KCNK3: variants seen among roughly 807,000 people sequenced by gnomAD.
KCNK3 encodes the protein potassium channel subfamily K member 3.
KCNK3 carries 9 observed loss-of-function variants against 27.3 expected under a neutral mutation model. The ratio of observed to expected loss-of-function variants is 0.33; its 90% CI spans 0.20 to 0.57. The LOEUF (loss-of-function observed/expected upper bound fraction) is 0.57. Among genes scored for constraint, KCNK3 ranks in the 20% least tolerant of loss-of-function variants. The pLI, the probability that KCNK3 is intolerant of heterozygous loss-of-function variation, is 0.87. For missense variants in KCNK3, 391 were observed against 577.7 expected, an observed-to-expected ratio of 0.68 and a Z score of 3.31; for synonymous variants, 278 against 273.8, an observed-to-expected ratio of 1.02 and a Z score of -0.15.
chr2:26,727,500 C>T (rs1161576430), intron 1 of KCNK3, among the ~76,000 whole-genome samples, 167 bp from the exon 2 acceptor site: 2 of 152,180 alleles, frequency 1.3e-5, no homozygotes, highest in African/African-American at 4.8e-5. Flanking sequence ...CAATAGAAAG[C>T]ATGAGCCAGG....
At position 26,702,900 on chromosome 2, in the gene KCNK3, G is replaced by C. The variant is rs1670327415; in HGVS notation, c.283+9742G>C. On this transcript the variant is annotated intron_variant, in intron 1 of 1. Transcript: ENST00000302909. ...GGAGTCAAAGGCGGGTGGATCACTT[G>C]AGGTTGGGAGTTCAAGACCAGCCTG... is the stretch of plus-strand genomic sequence containing the variant. Among the ~76,000 whole-genome samples, 3 of 152,270 alleles carry C rather than the reference G, an allele frequency of 2.0e-5. No individual in the cohort carries two copies. In the South Asian group the frequency reaches 6.2e-4, roughly 32 times the overall value.
intron 1 of KCNK3, among the ~76,000 whole-genome samples, chr2:26,700,102 G>A (rs1670288717): frequency 6.6e-6 from 1 of 152,190 alleles, no homozygotes; most frequent in Non-Finnish European, 1.5e-5. Context: ...CCCAAAGAGA[G>A]AACAGAATTT....
chr2:26,702,094 A>T (rs1347627316), intron 1 of KCNK3, among the ~76,000 whole-genome samples: 2 of 152,044 alleles, frequency 1.3e-5, no homozygotes, highest in Non-Finnish European at 2.9e-5. Flanking sequence ...ATTTTTCCTG[A>T]TCCTCTCTCT....
chr2:26,711,372 G>A (rs185721221), intron 1 of KCNK3, among the ~76,000 whole-genome samples: 97 of 152,196 alleles, frequency 6.4e-4, no homozygotes, highest in African/African-American at 2.2e-3. Context: ...ATGCTGCCCC[G>A]CACTCTCCCA....
At chr2:26,714,747 G>A (rs1467672844) in intron 1 of KCNK3, among the ~76,000 whole-genome samples, 3 of 152,128 alleles carry the variant, frequency 2.0e-5, no homozygotes, top group East Asian at 2.0e-4. Context: ...TTAGCCAGGA[G>A]TGGTGGCACA....
chr2:26,715,707 C>T (rs914343358), intron 1 of KCNK3, among the ~76,000 whole-genome samples: 8 of 152,140 alleles, frequency 5.3e-5, no homozygotes, highest in African/African-American at 1.7e-4. Flanking sequence ...GGGGCCGGGT[C>T]GGGGATTTTC....
chr2:26,716,996 T>G (rs1663245596), intron 1 of KCNK3, among the ~76,000 whole-genome samples: 2 of 152,336 alleles, frequency 1.3e-5, no homozygotes, highest in South Asian at 4.1e-4. Flanking sequence ...TCACGTAGTA[T>G]CCATGGCTTC....
intron 1 of KCNK3, among the ~76,000 whole-genome samples, chr2:26,709,842 C>T (rs1003020521): frequency 3.3e-5 from 5 of 152,182 alleles, no homozygotes; most frequent in African/African-American, 1.2e-4. Context: ...AAGCCGAGTC[C>T]GGGCCTGTCT....
intron 1 of KCNK3, chr2:26,724,510 A>T: frequency 1.3e-6 from 1 of 774,518 alleles, no homozygotes; most frequent in South Asian, 5.9e-5. Context: ...TAATCATAAT[A>T]GTGACCTTGT....
At chr2:26,723,869 G>C (rs1166405458) in intron 1 of KCNK3, among the ~76,000 whole-genome samples, 1 of 152,200 alleles carries the variant, frequency 6.6e-6, no homozygotes, top group African/African-American at 2.4e-5. Flanking sequence ...ATCTGCTCTG[G>C]TTGATCAGCC....
intron 1 of KCNK3, among the ~76,000 whole-genome samples, chr2:26,715,068 C>T (rs1286267009): frequency 1.3e-5 from 2 of 152,198 alleles, no homozygotes; most frequent in Non-Finnish European, 2.9e-5. Flanking sequence ...AGCCAGGGCA[C>T]CTGCCTTCTG....
intron 1 of KCNK3, among the ~76,000 whole-genome samples, chr2:26,711,483 C>T (rs10207894): frequency 0.065 from 9,918 of 152,196 alleles, 1,080 homozygotes; most frequent in African/African-American, 0.23. Context: ...CTGAGACCTG[C>T]CCTCCACGTT....
At chr2:26,698,374 C>T (rs1670261149) in intron 1 of KCNK3, among the ~76,000 whole-genome samples, 2 of 152,182 alleles carry the variant, frequency 1.3e-5, no homozygotes, top group African/African-American at 4.8e-5. Context: ...TCCACCCTAT[C>T]CCCATTCCCC....
At chr2:26,717,935 G>A (rs1662989) in intron 1 of KCNK3, among the ~76,000 whole-genome samples, 52,810 of 152,060 alleles carry the variant, frequency 0.35, 10,439 homozygotes, top group African/African-American at 0.54. Context: ...CCAGGTGTGA[G>A]GGATCCAGTA....
Position 26,693,111 on chromosome 2 carries a change from G to T in KCNK3, c.236G>T (p.Arg79Leu). Residue 79 changes from arginine (R) to leucine (L), a missense_variant, in exon 1 of 2, where the codon CGC becomes CTC. Physicochemically the swap from Arg to Leu is moderately radical, Grantham distance 102. Coordinates refer to ENST00000302909, the MANE Select transcript of KCNK3 (RefSeq NM_002246.3). The surrounding 1 kb of genome is among the most constrained non-coding windows in gnomAD (Gnocchi z 5.5). ...LKPHKAGVQW[R>L]FAGSFYFAIT... is the part of the protein sequence containing the mutation. Reference sequence around the variant, plus strand: ...CCGCACAAGGCCGGCGTGCAGTGGCGCTTCGCCGGCTCCTTCTACTTCGCC... The same window carrying T: ...CCGCACAAGGCCGGCGTGCAGTGGCTCTTCGCCGGCTCCTTCTACTTCGCC... 1 of 1,587,630 alleles carries T rather than the reference G, an allele frequency of 6.3e-7. No homozygotes were observed.
intron 1 of KCNK3, among the ~76,000 whole-genome samples, chr2:26,699,251 A>AAGAAAGAAAGAAAGCC (rs201319916): frequency 4.5e-5 from 6 of 134,258 alleles, no homozygotes; most frequent in African/African-American, 1.6e-4. Context: ...GAAAGAAAGA[A>AAGAAAGAAAGAAAGCC]AGCCAGCCAA....
intron 1 of KCNK3, among the ~76,000 whole-genome samples, chr2:26,722,950 A>G (rs962060602): frequency 2.6e-5 from 4 of 152,228 alleles, no homozygotes; most frequent in African/African-American, 9.6e-5. Context: ...CCCAGAAGGA[A>G]CTTGCCAAGA....
chr2:26,721,125 C>G lies in KCNK3; in HGVS notation c.284-6542C>G, dbSNP rs368358482. Among the ~76,000 whole-genome samples the G allele has an allele frequency of 5.7e-4, 87 of 152,284 alleles. No homozygotes were observed. The highest frequency in any genetic ancestry group is 1.8e-3 in the African/African-American group (75 of 41,558). Reference sequence around the variant, plus strand: ...CACCATCCCAGACCTCAGAGTCCTTCAGAACTGGAGCCTCTGGGTTCTGCA... The same window carrying G: ...CACCATCCCAGACCTCAGAGTCCTTGAGAACTGGAGCCTCTGGGTTCTGCA... On this transcript the variant is annotated intron_variant, in intron 1 of 1. Transcript: ENST00000302909. This position sits in a 1 kb window ranked among gnomAD's most constrained non-coding sequence, Gnocchi z 4.3.
chr2:26,694,207 C>T (rs2148252370), intron 1 of KCNK3, among the ~76,000 whole-genome samples: 1 of 152,152 alleles, frequency 6.6e-6, no homozygotes, highest in East Asian at 1.9e-4. Flanking sequence ...GGAGGGGTGG[C>T]CAAAATGATC....
Sources: gnomAD v4.1 joint callset for allele counts (sites outside exome capture counted in the v4.1 genomes callset) on GRCh38, gnomAD v4.1.1 for gene constraint, Gnocchi (gnomAD v3.1) non-coding constraint, MANE v1.5 for transcripts, NCBI Gene and HGNC (gene_info 2026-07-23, HGNC 2026-07-21) for gene names.